Variants in CPNE4 observed in about 807,000 individuals in gnomAD.
CPNE4 encodes the protein copine 4.
A neutral mutation model predicts 67.9 loss-of-function variants in CPNE4; 25 were observed. The observed-to-expected ratio is 0.37, with a 90% CI of 0.27 to 0.51. The LOEUF (loss-of-function observed/expected upper bound fraction) is 0.51. CPNE4 is among the 20% of genes least tolerant of loss of function. The pLI, the probability that CPNE4 is intolerant of heterozygous loss-of-function variation, is 0.93. For synonymous variants in CPNE4, 242 were observed against 244.9 expected (o/e 0.99, Z 0.11); for missense variants, 464 against 690.8 (o/e 0.67, Z 3.68).
intron 1 of CPNE4, among the ~76,000 whole-genome samples, chr3:132,012,426 T>G (rs971418416): frequency 6.6e-6 from 1 of 152,104 alleles, no homozygotes; most frequent in African/African-American, 2.4e-5. Flanking sequence ...ACCTTGGCCT[T>G]CCAAAGTGCT....
chr3:131,900,741 T>C, intron 2 of CPNE4, among the ~76,000 whole-genome samples: 1 of 152,104 alleles, frequency 6.6e-6, no homozygotes, highest in East Asian at 1.9e-4. Flanking sequence ...TATAAAACAC[T>C]ATATGGATAT....
chr3:131,619,205 G>A (rs182681582), intron 7 of CPNE4, among the ~76,000 whole-genome samples: 1 of 152,314 alleles, frequency 6.6e-6, no homozygotes, highest in East Asian at 1.9e-4. Context: ...CCATGATGGT[G>A]TACAAGGTCT....
chr3:131,906,920 TC>T (rs1172477426), intron 1 of CPNE4, among the ~76,000 whole-genome samples: 1 of 151,848 alleles, frequency 6.6e-6, no homozygotes, highest in Non-Finnish European at 1.5e-5. Flanking sequence ...ACCTGTTGTT[TC>T]CTGACTTTTT....
chr3:131,835,738 G>A (rs1032858849), intron 2 of CPNE4, among the ~76,000 whole-genome samples: 1 of 152,152 alleles, frequency 6.6e-6, no homozygotes, highest in Admixed American at 6.5e-5. Context: ...TTTCCAAAGG[G>A]TCTGTGCAAT....
chr3:131,878,675 T>C (rs1239273100), intron 2 of CPNE4, among the ~76,000 whole-genome samples: 1 of 152,230 alleles, frequency 6.6e-6, no homozygotes, highest in Non-Finnish European at 1.5e-5. Flanking sequence ...CAAAATCTCA[T>C]GCTGATTAGA....
At chr3:131,763,760 GC>G (rs1442732102) in intron 2 of CPNE4, among the ~76,000 whole-genome samples, 1 of 152,044 alleles carries the variant, frequency 6.6e-6, no homozygotes, top group Non-Finnish European at 1.5e-5. Flanking sequence ...TATAACAAAA[GC>G]CTTAACACTG....
chr3:132,029,138 T>C (rs948351616), intron 1 of CPNE4, among the ~76,000 whole-genome samples: 1 of 152,070 alleles, frequency 6.6e-6, no homozygotes. Context: ...TTAAACAAGG[T>C]ATTTCCGGAT....
intron 3 of CPNE4, among the ~76,000 whole-genome samples, chr3:131,716,493 G>C (rs1170178068): frequency 1.3e-5 from 2 of 152,134 alleles, no homozygotes. Context: ...TAAAATACTT[G>C]ACAAACCTGA....
At position 131,978,436 on chromosome 3, in the gene CPNE4, TTATATATATTTA is replaced by T. The variant is rs1433047787; in HGVS notation, c.-2+56119_-2+56130del. Among the ~76,000 whole-genome samples, 3 of 3,042 alleles carry T rather than the reference TTATATATATTTA, an allele frequency of 9.9e-4. 1 individual carries two copies. In the Admixed American group the frequency reaches 0.012, roughly 12 times the overall value. The allele number at this position is 3,042 out of a possible 152,430, so 2.0% of individuals were successfully genotyped here. ...TATATGTATATATATATTTATATAT[TTATATATATTTA>T]TATATATATTTATATATATTTATAT... On this transcript the variant is annotated intron_variant, in intron 1 of 15. Coordinates refer to ENST00000429747, the MANE Select transcript of CPNE4 (RefSeq NM_130808.3).
chr3:131,623,323 G>T (rs1325167282), intron 7 of CPNE4, among the ~76,000 whole-genome samples: 2 of 152,018 alleles, frequency 1.3e-5, no homozygotes, highest in Non-Finnish European at 2.9e-5. Flanking sequence ...TTTTGTTCAG[G>T]TTATGAAAAC....
At chr3:131,843,082 A>T (rs1489304577) in intron 2 of CPNE4, among the ~76,000 whole-genome samples, 1 of 152,208 alleles carries the variant, frequency 6.6e-6, no homozygotes, top group Non-Finnish European at 1.5e-5. Flanking sequence ...CATAGTAAAA[A>T]TAAGTAAAAC....
chr3:131,633,226 C>A (rs2079280305), intron 7 of CPNE4, among the ~76,000 whole-genome samples: 1 of 152,194 alleles, frequency 6.6e-6, no homozygotes, highest in Non-Finnish European at 1.5e-5. Flanking sequence ...GTCCATTCTA[C>A]CATCATTTCT....
intron 15 of CPNE4, among the ~76,000 whole-genome samples, chr3:131,536,482 T>C (rs1582742648): frequency 6.6e-6 from 1 of 152,228 alleles, no homozygotes. Flanking sequence ...TGTTTGAGAT[T>C]CCAAAAGAAA....
At chr3:131,577,066 C>A (rs2107684794) in intron 9 of CPNE4, among the ~76,000 whole-genome samples, 1 of 150,368 alleles carries the variant, frequency 6.7e-6, no homozygotes, top group East Asian at 1.9e-4. Context: ...GTCAAAGCAT[C>A]AAAAAATATT....
intron 2 of CPNE4, among the ~76,000 whole-genome samples, chr3:131,831,965 G>T (rs187544777): frequency 1.7e-4 from 26 of 152,278 alleles, no homozygotes; most frequent in African/African-American, 6.0e-4. Flanking sequence ...CACAAACCAG[G>T]TGTTTTAAAT....
At chr3:131,762,207 T>TTC (rs2082905100) in intron 2 of CPNE4, among the ~76,000 whole-genome samples, 2 of 152,008 alleles carry the variant, frequency 1.3e-5, no homozygotes, top group South Asian at 2.1e-4. Flanking sequence ...AGTTGACAAC[T>TTC]TCTCTCTCTC....
chr3:131,640,612 AT>A (rs1170868046), intron 7 of CPNE4, among the ~76,000 whole-genome samples: 17 of 152,106 alleles, frequency 1.1e-4, no homozygotes, highest in African/African-American at 4.1e-4. Flanking sequence ...CACAAATTCA[AT>A]GCAATTCCCA....
At chr3:131,615,891 T>TCACGCACA (rs1553739620) in intron 7 of CPNE4, among the ~76,000 whole-genome samples, 2 of 107,762 alleles carry the variant, frequency 1.9e-5, no homozygotes, top group African/African-American at 9.2e-5. Flanking sequence ...TCTCTCTCTC[T>TCACGCACA]CACACACACA....
intron 1 of CPNE4, among the ~76,000 whole-genome samples, chr3:132,029,513 C>G (rs1309202083): frequency 6.6e-6 from 1 of 152,196 alleles, no homozygotes; most frequent in Non-Finnish European, 1.5e-5. Flanking sequence ...TCTCTCTAGT[C>G]CGTCCTTCTA....
Sources: gnomAD v4.1 joint callset for allele counts (sites outside exome capture counted in the v4.1 genomes callset) on GRCh38, gnomAD v4.1.1 for gene constraint, MANE v1.5 for transcripts, NCBI Gene and HGNC (gene_info 2026-07-23, HGNC 2026-07-21) for gene names.